The following PTPRG variants were observed in gnomAD, a reference collection of about 807,000 sequenced individuals.
The protein encoded by PTPRG is receptor-type tyrosine-protein phosphatase gamma.
PTPRG carries 102 observed loss-of-function variants against 165.3 expected under a neutral mutation model. The observed-to-expected ratio is 0.62, with a 90% CI of 0.53 to 0.73. The LOEUF (loss-of-function observed/expected upper bound fraction) is 0.73. Among genes scored for constraint, PTPRG ranks in the 30% least tolerant of loss-of-function variants. The probability of loss-of-function intolerance (pLI) is 0.00; values close to 1 mark genes in which losing one functional copy is unlikely to be tolerated. For missense variants in PTPRG, 1,866 were observed against 1,861.4 expected, an observed-to-expected ratio of 1.00 and a Z score of -0.05; for synonymous variants, 675 against 669.5, an observed-to-expected ratio of 1.01 and a Z score of -0.13.
At chr3:62,065,756 T>A (rs887813241) in intron 4 of PTPRG, among the ~76,000 whole-genome samples, 4 of 152,044 alleles carry the variant, frequency 2.6e-5, no homozygotes, top group Non-Finnish European at 5.9e-5. Context: ...AAGAACCTTT[T>A]GTAAGGGGAT....
chr3:62,131,979 A>G (rs1336895565), intron 5 of PTPRG, among the ~76,000 whole-genome samples: 1 of 152,234 alleles, frequency 6.6e-6, no homozygotes, highest in Non-Finnish European at 1.5e-5. Context: ...AGTATCAGAA[A>G]GTTAAGGGAA....
At chr3:61,585,280 C>CAAAAAA (rs3039784) in intron 1 of PTPRG, among the ~76,000 whole-genome samples, 4 of 81,324 alleles carry the variant, frequency 4.9e-5, no homozygotes, top group African/African-American at 3.5e-5. Flanking sequence ...GACCCTGTCT[C>CAAAAAA]AAAAAAAAAA....
chr3:62,081,419 T>C (rs886561), intron 5 of PTPRG, among the ~76,000 whole-genome samples: 44,616 of 152,052 alleles, frequency 0.29, 8,549 homozygotes, highest in African/African-American at 0.55. Context: ...TATGGCTCAC[T>C]ACAGCCTCCA....
intron 4 of PTPRG, among the ~76,000 whole-genome samples, chr3:62,069,806 C>A (rs1481859700): frequency 6.6e-6 from 1 of 152,090 alleles, no homozygotes; most frequent in African/African-American, 2.4e-5. Flanking sequence ...AGTTCAAAGG[C>A]TGGAAACCTG....
At chr3:61,687,390 C>G (rs1468185077) in intron 1 of PTPRG, among the ~76,000 whole-genome samples, 1 of 152,184 alleles carries the variant, frequency 6.6e-6, no homozygotes, top group Non-Finnish European at 1.5e-5. Flanking sequence ...TCATACAACA[C>G]TGGTTAATGA....
At chr3:61,742,848 G>C (rs750939450) in intron 1 of PTPRG, 2 of 1,579,870 alleles carry the variant, frequency 1.3e-6, no homozygotes, top group Admixed American at 1.7e-5. Context: ...TCAGCGCCTC[G>C]ATGTCCATGT....
At chr3:61,874,273 CCCTCAA>C (rs1474416235) in intron 2 of PTPRG, among the ~76,000 whole-genome samples, 1 of 152,140 alleles carries the variant, frequency 6.6e-6, no homozygotes, top group African/African-American at 2.4e-5. Context: ...TTGCTGGATC[CCCTCAA>C]CCTCCTTTGG....
In PTPRG at chr3:62,022,122, G is replaced by T. The variant is rs1015817921; in HGVS notation, c.519+18625G>T. On this transcript the variant is annotated intron_variant, in intron 4 of 29. Transcript: ENST00000474889. ...AAACTCACAGCCAAGGCTGCTGTACGTGACTATTCCGCCAGAATCCTATGG... is the reference window on the plus strand; with the variant it reads ...AAACTCACAGCCAAGGCTGCTGTACTTGACTATTCCGCCAGAATCCTATGG... 2.0e-5 allele frequency among the ~76,000 whole-genome samples: 3 copies of T among 152,254 alleles called. No individual in the cohort carries two copies. The South Asian group carries it at 6.2e-4, about 32-fold the overall frequency.
At chr3:61,717,773 G>A (rs537754649) in intron 1 of PTPRG, among the ~76,000 whole-genome samples, 45 of 152,054 alleles carry the variant, frequency 3.0e-4, no homozygotes, top group African/African-American at 9.9e-4. Context: ...TGGCGACAGA[G>A]CCAGACCCTG....
intron 2 of PTPRG, among the ~76,000 whole-genome samples, chr3:61,845,104 T>G (rs1466818707): frequency 6.6e-6 from 1 of 152,210 alleles, no homozygotes; most frequent in Non-Finnish European, 1.5e-5. Flanking sequence ...TTTGGGTTTG[T>G]CACACTTTCC....
intron 7 of PTPRG, among the ~76,000 whole-genome samples, chr3:62,167,182 T>C (rs1393267329): frequency 6.6e-6 from 1 of 152,192 alleles, no homozygotes; most frequent in Admixed American, 6.5e-5. Context: ...GACAACTTTA[T>C]AAGGTAAGTA....
intron 12 of PTPRG, among the ~76,000 whole-genome samples, chr3:62,218,133 G>A (rs1159820235): frequency 6.6e-6 from 1 of 152,178 alleles, no homozygotes; most frequent in African/African-American, 2.4e-5. Flanking sequence ...GAAGCACCTA[G>A]GTGCTCCTGC....
intron 7 of PTPRG, 57 bp from the exon 8 acceptor site, chr3:62,167,914 T>G (rs1576087592): frequency 2.0e-6 from 3 of 1,485,984 alleles, no homozygotes; most frequent in South Asian, 1.2e-5. Flanking sequence ...TTCTAATTGA[T>G]GTGTGTTTTT....
chr3:61,949,789 C>T (rs1002094571), intron 2 of PTPRG, among the ~76,000 whole-genome samples: 2 of 151,782 alleles, frequency 1.3e-5, no homozygotes, highest in African/African-American at 2.4e-5. Context: ...ACTCTGTCAC[C>T]CAGGCTGGAG....
At chr3:61,599,787 C>G (rs1459497222) in intron 1 of PTPRG, among the ~76,000 whole-genome samples, 1 of 152,066 alleles carries the variant, frequency 6.6e-6, no homozygotes, top group East Asian at 1.9e-4. Context: ...AACCACCGCA[C>G]CTGGCTGATC....
At chr3:61,870,668 A>G (rs1206595795) in intron 2 of PTPRG, among the ~76,000 whole-genome samples, 1 of 151,088 alleles carries the variant, frequency 6.6e-6, no homozygotes, top group Non-Finnish European at 1.5e-5. Context: ...GGCATGAGCC[A>G]TCGCACCCAT....
chr3:62,099,839 C>A (rs1029285253), intron 5 of PTPRG, among the ~76,000 whole-genome samples: 1 of 138,600 alleles, frequency 7.2e-6, no homozygotes, highest in Non-Finnish European at 1.5e-5. Flanking sequence ...CACTCTGTTG[C>A]CCAGGCTGGA....
chr3:62,033,162 C>A (rs574110923), intron 4 of PTPRG, among the ~76,000 whole-genome samples: 1 of 152,160 alleles, frequency 6.6e-6, no homozygotes, highest in South Asian at 2.1e-4. Context: ...GCTTTAATGA[C>A]CTTCTTTAAA....
At position 61,752,785 on chromosome 3, in the gene PTPRG, CAAAAAAAAAAA is replaced by C. The variant is rs749817659; in HGVS notation, c.190+3809_190+3819del. 7.1e-5 allele frequency among the ~76,000 whole-genome samples: 5 copies of C among 69,996 alleles called. No individual in the cohort carries two copies. In the East Asian group the frequency reaches 2.6e-3, roughly 36 times the overall value. The allele number at this position is 69,996 out of a possible 152,430, so 45.9% of individuals were successfully genotyped here. ...CCTGGGTGATAGAGCAAGACTGTCT[CAAAAAAAAAAA>C]AAAAAGAAAAAAAAAAAGAAAATAT... On this transcript the variant is annotated intron_variant, in intron 2 of 29. Coordinates refer to ENST00000474889, the MANE Select transcript of PTPRG (RefSeq NM_002841.4).
Sources: gnomAD v4.1 joint callset for allele counts (sites outside exome capture counted in the v4.1 genomes callset) on GRCh38, gnomAD v4.1.1 for gene constraint, MANE v1.5 for transcripts, NCBI Gene and HGNC (gene_info 2026-07-23, HGNC 2026-07-21) for gene names.